Variants in ATG2B observed in about 807,000 individuals in gnomAD.
ATG2B encodes autophagy-related protein 2 homolog B.
ATG2B carries 121 observed loss-of-function variants against 241.3 expected under a neutral mutation model. The observed-to-expected ratio is 0.50, with a 90% CI of 0.43 to 0.58. The LOEUF is 0.58. ATG2B is among the 20% of genes least tolerant of loss of function. The pLI is 0.00. For missense variants in ATG2B, 2,306 were observed against 2,491.6 expected, an observed-to-expected ratio of 0.93 and a Z score of 1.59; for synonymous variants, 858 against 876.6, an observed-to-expected ratio of 0.98 and a Z score of 0.37.
chr14:96,305,941 T>C, intron 30 of ATG2B, 126 bp from the exon 31 acceptor site: 3 of 712,202 alleles, frequency 4.2e-6, no homozygotes, highest in Non-Finnish European at 6.9e-6. Context: ...TAAAATAAGG[T>C]GATGGTTACC....
In ATG2B at chr14:96,332,297, T is replaced by C; in HGVS notation, c.1468+8A>G. On this transcript the variant is annotated splice_region_variant and intron_variant, in intron 10 of 41. Coordinates refer to ENST00000359933, the MANE Select transcript of ATG2B (RefSeq NM_018036.7). ...GAAACTAACAACAAATGTCTTATTT[T>C]TACTTACATGTCTTCTGTAAAGGTG... 1 of 1,601,938 alleles carries C rather than the reference T, an allele frequency of 6.2e-7. No individual in the cohort carries two copies. The highest frequency in any genetic ancestry group is 1.7e-5 in the Admixed American group (1 of 59,850).
In ATG2B at chr14:96,343,170, A is replaced by G. The variant is rs1888088127; in HGVS notation, c.693T>C (p.Asp231=). The stretch of plus-strand genomic sequence containing the variant: ...AAGATTTGGCTGATGCAGAAAACTC[A>G]TCCCAGAAGAGAGACACTCCAGAGA... ...LQLSGVSLFW[D]EFSASAKSSP... Residue 231 remains aspartate (D), a synonymous_variant, in exon 5 of 42, where the codon GAT becomes GAC. Coordinates refer to ENST00000359933, the MANE Select transcript of ATG2B (RefSeq NM_018036.7). 2.0e-5 allele frequency: 32 copies of G among 1,605,606 alleles called. No individual in the cohort carries two copies. Among genetic ancestry groups the G allele is most frequent in the Non-Finnish European group, 2.7e-5 (32 of 1,174,944 alleles).
In ATG2B at chr14:96,315,542, G is replaced by C. The variant is rs763545041; in HGVS notation, c.3403C>G (p.Pro1135Ala). 1.2e-6 allele frequency: 2 copies of C among 1,613,922 alleles called. No individual in the cohort carries two copies. Among genetic ancestry groups the C allele is most frequent in the African/African-American group, 2.7e-5 (2 of 74,920 alleles). ...GVILPTETRL[P>A]SSTRPHWLEP... ...AACCAGTGTGGGCGGGTTGAGCTGG[G>C]AAGTCGTGTTTCTGTCGGGAGAATC... Residue 1135 changes from proline (P) to alanine (A), a missense_variant, in exon 22 of 42, where the codon CCC (proline) becomes GCC (alanine). By Grantham distance (27) the Pro-to-Ala change is conservative. Coordinates refer to ENST00000359933, the MANE Select transcript of ATG2B (RefSeq NM_018036.7).
chr14:96,358,523 C>A (rs1313240990), intron 1 of ATG2B, among the ~76,000 whole-genome samples: 1 of 152,168 alleles, frequency 6.6e-6, no homozygotes, highest in Non-Finnish European at 1.5e-5. Context: ...CACTAAGCTA[C>A]AAAATAATTT....
chr14:96,336,369 T>C (rs1251379467), intron 6 of ATG2B, among the ~76,000 whole-genome samples: 3 of 152,154 alleles, frequency 2.0e-5, no homozygotes, highest in African/African-American at 7.2e-5. Context: ...TTGCATTAAA[T>C]AAAAACAAAT....
At position 96,306,913 on chromosome 14, in the gene ATG2B, A is replaced by G; in HGVS notation, c.4307T>C (p.Val1436Ala). ...TSSVKPQANG[V>A]LDEKSQIQEP... ...CTGAATTTGAGATTTTTCATCCAAAACACCTAGATAAAAAGATTACAACAT... is the reference window on the plus strand; with the variant it reads ...CTGAATTTGAGATTTTTCATCCAAAGCACCTAGATAAAAAGATTACAACAT... Residue 1436 changes from valine to alanine, a missense_variant, in exon 30 of 42, where the codon GTT (valine) becomes GCT (alanine). Around this residue, in one of 2 missense-constraint regions of ATG2B, gnomAD observed 1,927 missense variants for 2,011.2 expected, o/e 0.96. Coordinates refer to ENST00000359933, the MANE Select transcript of ATG2B (RefSeq NM_018036.7). 6.2e-7 allele frequency: 1 copy of G among 1,611,616 alleles called. No homozygotes were observed. Among genetic ancestry groups the G allele is most frequent in the East Asian group, 2.2e-5 (1 of 44,874 alleles).
intron 26 of ATG2B, 53 bp from the exon 27 acceptor site, chr14:96,311,671 T>A: frequency 1.7e-6 from 2 of 1,172,940 alleles, no homozygotes; most frequent in Non-Finnish European, 1.3e-6. Context: ...CAAAAATGTG[T>A]ATCCAACCAA....
chr14:96,307,548 G>A (rs1181234403), intron 29 of ATG2B, among the ~76,000 whole-genome samples: 1 of 152,200 alleles, frequency 6.6e-6, no homozygotes, highest in East Asian at 1.9e-4. Flanking sequence ...AGTGTTGAGT[G>A]GAGTTTTGCT....
chr14:96,316,403 C>A, intron 21 of ATG2B, 130 bp downstream of exon 21: 1 of 885,752 alleles, frequency 1.1e-6, no homozygotes, highest in Non-Finnish European at 1.7e-6. Flanking sequence ...ATTACTTTGA[C>A]AGCAGAATGA....
intron 21 of ATG2B, among the ~76,000 whole-genome samples, chr14:96,315,795 C>A (rs1199675183): frequency 3.9e-5 from 6 of 152,128 alleles, no homozygotes; most frequent in Non-Finnish European, 8.8e-5. Context: ...ACAAAAGATT[C>A]TGAAATGCTA....
At chr14:96,287,563 G>A (rs1265937058) in intron 41 of ATG2B, among the ~76,000 whole-genome samples, 1 of 152,138 alleles carries the variant, frequency 6.6e-6, no homozygotes, top group Non-Finnish European at 1.5e-5. Flanking sequence ...TTTAAAGAGG[G>A]AACTAAAATG....
intron 29 of ATG2B, among the ~76,000 whole-genome samples, chr14:96,308,219 AATATATAT>A (rs1204291663): frequency 1.4e-5 from 1 of 74,036 alleles, no homozygotes; most frequent in African/African-American, 4.8e-5. Flanking sequence ...TAAATACATA[AATATATAT>A]ATACATATAT....
Position 96,304,535 on chromosome 14 carries a change from C to T in ATG2B, c.4802G>A (p.Gly1601Glu). Residue 1601 changes from glycine to glutamate, a missense_variant, in exon 32 of 42, where the codon GGA (glycine) becomes GAA (glutamate). By Grantham distance (98) the Gly-to-Glu change is moderately conservative. Around this residue, in one of 2 missense-constraint regions of ATG2B, gnomAD observed 1,927 missense variants for 2,011.2 expected, o/e 0.96. Transcript: ENST00000359933. ...HGRNTVCGGK[G>E]RNHDFLMEIQ... is the part of the protein sequence containing the mutation. ...TTCCATTAAAAAGTCATGGTTCCTT[C>T]CTTTTCCCCCACATACTGTATTACG... 1.2e-6 allele frequency: 2 copies of T among 1,613,318 alleles called. No individual in the cohort carries two copies. Among genetic ancestry groups the T allele is most frequent in the Non-Finnish European group, 1.7e-6 (2 of 1,179,638 alleles).
intron 32 of ATG2B, 143 bp downstream of exon 32, chr14:96,304,352 G>GT (rs1435049101): frequency 1.5e-5 from 8 of 533,396 alleles, no homozygotes; most frequent in Non-Finnish European, 2.7e-5. Flanking sequence ...TGAAAAAGAG[G>GT]TAAGAGTTTT....
chr14:96,353,490 G>T (rs1157585684), intron 1 of ATG2B, among the ~76,000 whole-genome samples: 2 of 152,026 alleles, frequency 1.3e-5, no homozygotes, highest in Non-Finnish European at 2.9e-5. Flanking sequence ...GCCAGGCATG[G>T]TGACATGGGC....
Position 96,362,819 on chromosome 14 carries a change from T to C in ATG2B, c.158A>G (p.Lys53Arg), listed in dbSNP as rs1350845479. Residue 53 changes from lysine (K) to arginine (R), a missense_variant, in exon 1 of 42, where the codon AAA (lysine) becomes AGA (arginine). This residue lies in a region of ATG2B where 1,927 missense variants were observed against 2,011.2 expected (regional missense o/e 0.96). Transcript: ENST00000359933. ...TGSLAQVPLD[K>R]WCLNEILESA... ...CTCGCCGCCGGCAGCTCTTACCCAT[T>C]TGTCCAAGGGGACCTGGGCGAGGGA... 16 of 1,601,312 alleles carry C rather than the reference T, an allele frequency of 1.0e-5. No individual in the cohort carries two copies. Among genetic ancestry groups the C allele is most frequent in the African/African-American group, 4.0e-5 (3 of 74,448 alleles).
At chr14:96,345,530 T>C in intron 2 of ATG2B, 145 bp from the exon 3 acceptor site, 1 of 548,976 alleles carries the variant, frequency 1.8e-6, no homozygotes, top group Non-Finnish European at 2.9e-6. Context: ...AACAATATTC[T>C]AGAAAGTACT....
At chr14:96,351,911 A>AG (rs1555370871) in intron 1 of ATG2B, among the ~76,000 whole-genome samples, 5 of 151,414 alleles carry the variant, frequency 3.3e-5, no homozygotes, top group Non-Finnish European at 5.9e-5. Flanking sequence ...CAAAAAAAAA[A>AG]AAAAGAAAAA....
intron 1 of ATG2B, among the ~76,000 whole-genome samples, chr14:96,355,291 T>A (rs185657567): frequency 1.0e-3 from 155 of 152,320 alleles, no homozygotes; most frequent in African/African-American, 3.4e-3. Flanking sequence ...AGTCTTTAAT[T>A]CATCTTGAGC....
Sources: gnomAD v4.1 joint callset for allele counts (sites outside exome capture counted in the v4.1 genomes callset) on GRCh38, gnomAD v4.1.1 for gene constraint, gnomAD v4.1.1 regional missense constraint, MANE v1.5 for transcripts, NCBI Gene and HGNC (gene_info 2026-07-23, HGNC 2026-07-21) for gene names.